Variants in NRIP3 observed in about 807,000 individuals in gnomAD.
The protein encoded by NRIP3 is nuclear receptor interacting protein 3, also known as nuclear receptor-interacting protein 3.
In NRIP3, 31 loss-of-function variants were observed where a neutral mutation model predicts 29.0. The ratio of observed to expected loss-of-function variants is 1.07; its 90% CI spans 0.80 to 1.44. The LOEUF is 1.44. Among genes scored for constraint, NRIP3 ranks in the 40% most tolerant of loss-of-function variants. The pLI is 0.00. For synonymous variants in NRIP3, 131 were observed against 118.3 expected (o/e 1.11, Z -0.70); for missense variants, 314 against 297.9 (o/e 1.05, Z -0.40).
chr11:8,983,662 C>T, intron 6 of NRIP3, 102 bp from the exon 7 acceptor site: 1 of 1,108,742 alleles, frequency 9.0e-7, no homozygotes, highest in Non-Finnish European at 1.4e-6. Flanking sequence ...ATTTCCCTAC[C>T]ACTCTGTGTG....
intron 3 of NRIP3, 94 bp downstream of exon 3, chr11:8,987,454 G>T: frequency 5.5e-6 from 5 of 905,412 alleles, no homozygotes; most frequent in South Asian, 5.4e-5. Flanking sequence ...TCTTTGAGCT[G>T]CTGTAGAGAC....
intron 1 of NRIP3, among the ~76,000 whole-genome samples, chr11:8,995,286 A>G (rs771066470): frequency 1.3e-5 from 2 of 152,150 alleles, no homozygotes; most frequent in African/African-American, 2.4e-5. Context: ...GCTTTCAGCA[A>G]ATTACCACTT....
At chr11:8,993,906 T>A (rs1854654183) in intron 1 of NRIP3, among the ~76,000 whole-genome samples, 1 of 151,658 alleles carries the variant, frequency 6.6e-6, no homozygotes, top group Admixed American at 6.6e-5. Context: ...GATATGGAGA[T>A]CCCTAACACA....
At chr11:8,994,044 G>C (rs1854657696) in intron 1 of NRIP3, among the ~76,000 whole-genome samples, 2 of 152,088 alleles carry the variant, frequency 1.3e-5, no homozygotes, top group Non-Finnish European at 2.9e-5. Context: ...AGTTTAAATG[G>C]AGATTTATTT....
intron 1 of NRIP3, among the ~76,000 whole-genome samples, chr11:8,988,561 G>C (rs1233059100): frequency 1.3e-5 from 2 of 152,168 alleles, no homozygotes; most frequent in Non-Finnish European, 2.9e-5. Flanking sequence ...AGAGAACTGA[G>C]AACCCTTGTG....
Position 8,987,620 on chromosome 11 carries a change from T to C in NRIP3, c.350A>G (p.Lys117Arg), listed in dbSNP as rs995122161. Reference protein sequence around the residue: ...MILVSCQCAGKDVKALVDTGC... With the variant: ...MILVSCQCAGRDVKALVDTGC... ...TGTGTCAACCAAGGCTTTCACATCC[T>C]TTCCAGCACACTGTGGGGAGGAAAT... is the stretch of plus-strand genomic sequence containing the variant. The change falls in exon 3 of 7, where the codon AAG (lysine) becomes AGG (arginine). Residue 117 changes from lysine to arginine, a missense_variant. Physicochemically the swap from Lys to Arg is conservative, Grantham distance 26 (BLOSUM62 2). Coordinates refer to ENST00000309166, the MANE Select transcript of NRIP3 (RefSeq NM_020645.3). 4 of 1,613,666 alleles carry C rather than the reference T, an allele frequency of 2.5e-6. No individual in the cohort carries two copies. Among genetic ancestry groups the C allele is most frequent in the Middle Eastern group, 3.3e-4 (2 of 6,062 alleles).
At chr11:8,984,262 A>ATT in intron 4 of NRIP3, 138 bp from the exon 5 acceptor site, 6 of 487,116 alleles carry the variant, frequency 1.2e-5, no homozygotes, top group Admixed American at 3.6e-5. Context: ...TTTTTTTTTT[A>ATT]TTTTTTTTTT....
rs1195040209 is a variant in NRIP3 at position 8,982,807 on chromosome 11, G to A, written c.*738C>T. 2 of 352,678 alleles carry A rather than the reference G, an allele frequency of 5.7e-6. No homozygotes were observed. The highest frequency in any genetic ancestry group is 3.9e-5 in the Admixed American group (1 of 25,690). The allele number at this position is 352,678 out of a possible 1,614,324, so 21.8% of individuals were successfully genotyped here. A position where few individuals can be genotyped will look rare whatever the true frequency, so the allele number is the denominator to read the frequency against. ...AATCATCCTAGCATCCATCTCCAGAGAATATTCCTCCCATGCTCTGCCTTT... is the reference window on the plus strand; with the variant it reads ...AATCATCCTAGCATCCATCTCCAGAAAATATTCCTCCCATGCTCTGCCTTT... On this transcript the variant is annotated 3_prime_UTR_variant, in exon 7 of 7. Transcript: ENST00000309166.
rs544319151 is a variant in NRIP3, at chr11:8,991,530, T to G, written c.175-3248A>C. Among the ~76,000 whole-genome samples, 4 of 151,688 alleles carry G rather than the reference T, an allele frequency of 2.6e-5. No homozygotes were observed. In the South Asian group the frequency reaches 8.3e-4, roughly 32 times the overall value. ...GCTTTCAGCCAAAATTTCACTAAAA[T>G]GACAGTAAAAGAATAAGTCCTAAAC... On this transcript the variant is annotated intron_variant, in intron 1 of 6. Coordinates refer to ENST00000309166, the MANE Select transcript of NRIP3 (RefSeq NM_020645.3).
intron 1 of NRIP3, among the ~76,000 whole-genome samples, chr11:9,001,417 G>A (rs1017213000): frequency 1.3e-5 from 2 of 152,166 alleles, no homozygotes; most frequent in African/African-American, 4.8e-5. Flanking sequence ...TTGCTGGTAT[G>A]AGGAAAAACA....
Position 8,985,836 on chromosome 11 carries a change from A to G in NRIP3, c.437T>C (p.Val146Ala), listed in dbSNP as rs1433662729. The G allele has an allele frequency of 5.0e-6, 8 of 1,613,954 alleles. No homozygotes were observed. The South Asian group carries it at 8.8e-5, about 18-fold the overall frequency. ...CVDRLGLKEH[V>A]KSHKHEGEKL... The stretch of plus-strand genomic sequence containing the variant: ...TTCTCCTTCATGCTTGTGGGATTTG[A>G]CATGCTCCTTGAGTCTGTACCAAAG... Residue 146 changes from valine to alanine, a missense_variant, in exon 4 of 7, where the codon GTC (valine) becomes GCC (alanine). Val to Ala is a moderately conservative substitution (Grantham distance 64). Coordinates refer to ENST00000309166, the MANE Select transcript of NRIP3 (RefSeq NM_020645.3).
rs777644243 is a variant in NRIP3, at chr11:9,003,751, CG to C, written c.174+10del. On this transcript the variant is annotated intron_variant, in intron 1 of 6. Transcript: ENST00000309166. ...GCCGGGGCCGGGGCGAGAACGGCGG[CG>C]GGGGCTCACCATGTCCTTGGACGAG... The C allele has an allele frequency of 1.5e-4, 203 of 1,399,736 alleles. No homozygotes were observed. Among genetic ancestry groups the C allele is most frequent in the Admixed American group, 3.0e-4 (9 of 30,430 alleles). The allele number at this position is 1,399,736 out of a possible 1,614,324, so 86.7% of individuals were successfully genotyped here.
In NRIP3 at chr11:8,981,981, C is replaced by T. The variant is rs1296648047; in HGVS notation, c.*1564G>A. ...GTTCAGTAGGGGCAGTTGCTGAACA[C>T]CAGACAAGGTAGTTGGTAGTACTTG... On this transcript the variant is annotated 3_prime_UTR_variant, in exon 7 of 7. Transcript: ENST00000309166. The T allele has an allele frequency of 1.3e-5, 2 of 152,166 alleles. No individual in the cohort carries two copies. The highest frequency in any genetic ancestry group is 3.9e-4 in the East Asian group (2 of 5,192). The allele number at this position is 152,166 out of a possible 1,614,324, so 9.4% of individuals were successfully genotyped here. A position where few individuals can be genotyped will look rare whatever the true frequency, so the allele number is the denominator to read the frequency against.
intron 1 of NRIP3, among the ~76,000 whole-genome samples, chr11:9,000,996 G>C (rs1459479965): frequency 6.6e-6 from 1 of 152,060 alleles, no homozygotes; most frequent in Non-Finnish European, 1.5e-5. Flanking sequence ...TTGAGCCTGC[G>C]AGGTCGAGGC....
chr11:9,004,031 T>C (rs368757128), upstream of NRIP3: 136 of 1,216,204 alleles, frequency 1.1e-4, 4 homozygotes, highest in South Asian at 2.7e-3. Context: ...GCGCCTTTTA[T>C]AGCCGAGCGT....
chr11:9,000,150 T>C (rs1232407532), intron 1 of NRIP3, among the ~76,000 whole-genome samples: 1 of 152,156 alleles, frequency 6.6e-6, no homozygotes. Flanking sequence ...TATAAACCTG[T>C]TTATAATGAG....
At chr11:8,987,404 G>A in intron 3 of NRIP3, 144 bp downstream of exon 3, 1 of 683,136 alleles carries the variant, frequency 1.5e-6, no homozygotes, top group Non-Finnish European at 2.7e-6. Context: ...CCTCTACTAA[G>A]GATTCTGGTT....
At chr11:8,984,255 TTTTTTTA>T (rs1210959999) in intron 4 of NRIP3, 131 bp from the exon 5 acceptor site, 60 of 373,132 alleles carry the variant, frequency 1.6e-4, no homozygotes, top group Admixed American at 5.4e-5. Flanking sequence ...TGTGTTATTT[TTTTTTTA>T]TTTTTTTTTT....
At chr11:8,996,275 C>CTTTTTTTTTTTTTT (rs386373056) in intron 1 of NRIP3, among the ~76,000 whole-genome samples, 5 of 82,944 alleles carry the variant, frequency 6.0e-5, no homozygotes, top group Non-Finnish European at 8.4e-5. Flanking sequence ...CCTTTTTTTC[C>CTTTTTTTTTTTTTT]TTTTTTTTTT....
Sources: gnomAD v4.1 joint callset for allele counts (sites outside exome capture counted in the v4.1 genomes callset) on GRCh38, gnomAD v4.1.1 for gene constraint, MANE v1.5 for transcripts, NCBI Gene and HGNC (gene_info 2026-07-23, HGNC 2026-07-21) for gene names.